Variants in ABCA10 observed in about 807,000 individuals in gnomAD.
ABCA10 encodes ATP-binding cassette sub-family A member 10.
In ABCA10, 169 loss-of-function variants were observed where a neutral mutation model predicts 187.5. That is an observed-to-expected ratio of 0.90 (90% CI 0.80 to 1.02). The LOEUF (loss-of-function observed/expected upper bound fraction) is 1.02. Among genes scored for constraint, ABCA10 ranks in the 50% least tolerant of loss-of-function variants. The probability of loss-of-function intolerance (pLI) is 0.00; values close to 1 mark genes in which losing one functional copy is unlikely to be tolerated. For synonymous variants in ABCA10, 574 were observed against 601.8 expected, an observed-to-expected ratio of 0.95 and a Z score of 0.68; for missense variants, 1,727 against 1,812.4, an observed-to-expected ratio of 0.95 and a Z score of 0.86.
chr17:69,156,387 T>A (rs1180204059), intron 28 of ABCA10, among the ~76,000 whole-genome samples: 1 of 152,196 alleles, frequency 6.6e-6, no homozygotes, highest in Non-Finnish European at 1.5e-5. Context: ...CAAAAACTTA[T>A]CTTGCCTAAA....
intron 1 of ABCA10, chr17:69,235,049 A>G (rs2074858233): frequency 6.6e-6 from 1 of 152,232 alleles, no homozygotes; most frequent in Non-Finnish European, 1.5e-5. Context: ...CTTTTGAAGC[A>G]AAAGAAATGA....
intron 37 of ABCA10, 121 bp from the exon 38 acceptor site, chr17:69,149,209 TA>T: frequency 1.9e-6 from 2 of 1,035,482 alleles, no homozygotes; most frequent in Non-Finnish European, 2.9e-6. Flanking sequence ...GCCAAATAAT[TA>T]CATTTTCTTG....
chr17:69,208,417 CAAAAAAA>C (rs67858017), intron 9 of ABCA10, among the ~76,000 whole-genome samples: 14 of 89,402 alleles, frequency 1.6e-4, no homozygotes, highest in African/African-American at 3.2e-4. Flanking sequence ...GACTCTGTCT[CAAAAAAA>C]AAAAAAAAAA....
chr17:69,175,606 T>A, intron 22 of ABCA10, 93 bp from the exon 23 acceptor site: 1 of 1,057,568 alleles, frequency 9.5e-7, no homozygotes, highest in Non-Finnish European at 1.3e-6. Context: ...AGAAAAACTC[T>A]AGAAGCATTC....
chr17:69,244,090 T>C (rs147924808), intron 1 of ABCA10, among the ~76,000 whole-genome samples: 133 of 152,258 alleles, frequency 8.7e-4, no homozygotes, highest in African/African-American at 3.1e-3. Flanking sequence ...AATATGTAAG[T>C]AGTGTTAAAT....
intron 25 of ABCA10, among the ~76,000 whole-genome samples, chr17:69,168,385 T>C (rs374548824): frequency 2.0e-5 from 3 of 152,160 alleles, no homozygotes; most frequent in East Asian, 3.9e-4. Flanking sequence ...TTAAGTCCTC[T>C]GATTGCAGAA....
chr17:69,159,741 T>A (rs955783751), intron 27 of ABCA10, among the ~76,000 whole-genome samples: 42 of 152,126 alleles, frequency 2.8e-4, no homozygotes, highest in Non-Finnish European at 1.5e-5. Flanking sequence ...AATGTGGCCA[T>A]CATTACATTA....
In ABCA10 at chr17:69,224,727, G is replaced by A. The variant is rs149744911; in HGVS notation, c.34+598C>T. Among the ~76,000 whole-genome samples the A allele has an allele frequency of 4.9e-3, 730 of 150,288 alleles. 10 individuals carry two copies. Among genetic ancestry groups the A allele is most frequent in the African/African-American group, 0.016 (672 of 40,932 alleles). On this transcript the variant is annotated intron_variant, in intron 3 of 38. Coordinates refer to ENST00000690296, the MANE Select transcript of ABCA10 (RefSeq NM_001377321.1). ...AAGCCTCACTACTCTAAGATCAAGG[G>A]CTGTGAATTTGTTGACTTTCAGTAG...
At chr17:69,154,422 T>A in intron 30 of ABCA10, 96 bp from the exon 31 acceptor site, 27 of 98,096 alleles carry the variant, frequency 2.8e-4, no homozygotes, top group Non-Finnish European at 4.4e-4. Flanking sequence ...CAAAATGACT[T>A]TTTTTTTTTT....
At chr17:69,158,375 A>C (rs552459562) in intron 27 of ABCA10, among the ~76,000 whole-genome samples, 1 of 152,144 alleles carries the variant, frequency 6.6e-6, no homozygotes, top group African/African-American at 2.4e-5. Flanking sequence ...GAAATAAGAA[A>C]ATTCAGTAAG....
chr17:69,190,345 C>A lies in ABCA10; in HGVS notation c.2131+13G>T. On this transcript the variant is annotated intron_variant, in intron 18 of 38. Coordinates refer to ENST00000690296, the MANE Select transcript of ABCA10 (RefSeq NM_001377321.1). ...TTTTTTCTTAATTTTCTGCTAGACA[C>A]ACATTTTTATACCTGGTTCATCAAT... The A allele has an allele frequency of 6.5e-7, 1 of 1,531,228 alleles. No homozygotes were observed. Among genetic ancestry groups the A allele is most frequent in the Non-Finnish European group, 8.7e-7 (1 of 1,149,974 alleles). The allele number at this position is 1,531,228 out of a possible 1,614,324, so 94.9% of individuals were successfully genotyped here.
At chr17:69,203,633 T>C (rs1332389781) in intron 9 of ABCA10, among the ~76,000 whole-genome samples, 1 of 152,170 alleles carries the variant, frequency 6.6e-6, no homozygotes, top group Non-Finnish European at 1.5e-5. Flanking sequence ...TTGAGCCCAT[T>C]CTTCATGCAG....
chr17:69,187,893 A>G lies in ABCA10; in HGVS notation c.2132-14T>C. On this transcript the variant is annotated splice_polypyrimidine_tract_variant and intron_variant, in intron 18 of 38. Coordinates refer to ENST00000690296, the MANE Select transcript of ABCA10 (RefSeq NM_001377321.1). ...CAATGTCAAAATCTACAATCATGTAATAAAACATTTTAATAGGCTATGTTA... is the reference window on the plus strand; with the variant it reads ...CAATGTCAAAATCTACAATCATGTAGTAAAACATTTTAATAGGCTATGTTA... 1 of 1,609,494 alleles carries G rather than the reference A, an allele frequency of 6.2e-7. No homozygotes were observed. The highest frequency in any genetic ancestry group is 1.1e-5 in the South Asian group (1 of 90,916).
chr17:69,152,532 T>A, intron 34 of ABCA10, 51 bp from the exon 35 acceptor site: 1 of 1,555,258 alleles, frequency 6.4e-7, no homozygotes, highest in Middle Eastern at 1.7e-4. Flanking sequence ...TTTGGGGAAA[T>A]AGATAAATAG....
intron 20 of ABCA10, among the ~76,000 whole-genome samples, chr17:69,184,753 A>T (rs2074406677): frequency 6.6e-6 from 1 of 152,018 alleles, no homozygotes. Context: ...TTGCACACAC[A>T]TTTATAGCAG....
At chr17:69,207,426 A>G (rs575416189) in intron 9 of ABCA10, among the ~76,000 whole-genome samples, 12 of 152,346 alleles carry the variant, frequency 7.9e-5, no homozygotes, top group African/African-American at 2.9e-4. Context: ...CACTGAAGAG[A>G]TATCTGCACT....
At position 69,174,780 on chromosome 17, in the gene ABCA10, G is replaced by C; in HGVS notation, c.2878-3C>G. 6.4e-7 allele frequency: 1 copy of C among 1,571,866 alleles called. No individual in the cohort carries two copies. The highest frequency in any genetic ancestry group is 8.6e-7 in the Non-Finnish European group (1 of 1,164,970). On this transcript the variant is annotated splice_region_variant and splice_polypyrimidine_tract_variant and intron_variant, in intron 23 of 38. Transcript: ENST00000690296. ...CATAACTGGGATTGAACATTTTTCT[G>C]ACAAAGAATAGAAGGGATAGAGGAA...
rs1398563362 is a variant in ABCA10, at chr17:69,198,538, G to A, written c.1176-1416C>T. 2.6e-5 allele frequency among the ~76,000 whole-genome samples: 4 copies of A among 152,092 alleles called. No individual in the cohort carries two copies. The East Asian group carries it at 5.8e-4, about 22-fold the overall frequency. On this transcript the variant is annotated intron_variant, in intron 10 of 38. Transcript: ENST00000690296. Reference sequence around the variant, plus strand: ...TTTGCTACTGCAGATTGAGATAACTGGTGAGAGATTTCCCAGAAAATCCCT... The same window carrying A: ...TTTGCTACTGCAGATTGAGATAACTAGTGAGAGATTTCCCAGAAAATCCCT...
chr17:69,171,649 C>T (rs1007918412), intron 25 of ABCA10, among the ~76,000 whole-genome samples: 2 of 152,064 alleles, frequency 1.3e-5, no homozygotes, highest in African/African-American at 4.8e-5. Context: ...AAAATCACAC[C>T]TAGAAACATT....
Sources: allele counts gnomAD v4.1 joint callset (sites outside exome capture counted in the v4.1 genomes callset), GRCh38; gene constraint gnomAD v4.1.1; transcripts MANE v1.5; gene names NCBI Gene and HGNC (gene_info 2026-07-23, HGNC 2026-07-21).